COG5: variants seen among roughly 807,000 people sequenced by gnomAD.
COG5 encodes the protein component of oligomeric golgi complex 5.
In COG5, 86 loss-of-function variants were observed where a neutral mutation model predicts 110.4. The ratio of observed to expected loss-of-function variants is 0.78; its 90% CI spans 0.65 to 0.93. The LOEUF (loss-of-function observed/expected upper bound fraction) is 0.93. Ranked by LOEUF, COG5 falls within the 40% of genes least tolerant of loss-of-function variation. COG5 has a pLI of 0.00. For synonymous variants in COG5, 360 were observed against 334.6 expected, an observed-to-expected ratio of 1.08 and a Z score of -0.83; for missense variants, 1,077 against 987.0, an observed-to-expected ratio of 1.09 and a Z score of -1.22.
Position 107,558,345 on chromosome 7 carries a change from C to T in COG5, c.95-230G>A, listed in dbSNP as rs540293143. Reference sequence around the variant, plus strand: ...AGGCACACTGGCTCATGCCTGTAATCCCAGCACTTTGGGAGGCCGAGGTGG... The same window carrying T: ...AGGCACACTGGCTCATGCCTGTAATTCCAGCACTTTGGGAGGCCGAGGTGG... On this transcript the variant is annotated intron_variant, in intron 1 of 21. Transcript: ENST00000297135. Among the ~76,000 whole-genome samples, 148 of 152,172 alleles carry T rather than the reference C, an allele frequency of 9.7e-4. 1 individual carries two copies. The highest frequency in any genetic ancestry group is 1.7e-3 in the Non-Finnish European group (115 of 68,036).
intron 6 of COG5, among the ~76,000 whole-genome samples, chr7:107,514,644 C>A (rs1381390805): frequency 6.6e-6 from 1 of 152,102 alleles, no homozygotes; most frequent in Non-Finnish European, 1.5e-5. Context: ...TACAGATACA[C>A]CAGATGGGTG....
chr7:107,267,410 A>G (rs1803888751), intron 14 of COG5, among the ~76,000 whole-genome samples: 1 of 152,220 alleles, frequency 6.6e-6, no homozygotes, highest in South Asian at 2.1e-4. Flanking sequence ...CTATCTACCC[A>G]TGACCTAAAC....
At chr7:107,411,449 GT>G (rs1405586228) in intron 7 of COG5, among the ~76,000 whole-genome samples, 1 of 151,992 alleles carries the variant, frequency 6.6e-6, no homozygotes, top group African/African-American at 2.4e-5. Flanking sequence ...AATGTTAGAA[GT>G]TAGAATAATA....
At chr7:107,294,460 C>T (rs1806428448) in intron 12 of COG5, among the ~76,000 whole-genome samples, 1 of 152,156 alleles carries the variant, frequency 6.6e-6, no homozygotes, top group Non-Finnish European at 1.5e-5. Flanking sequence ...CTGGCCCCCC[C>T]TAAGTTGTCT....
intron 7 of COG5, among the ~76,000 whole-genome samples, chr7:107,406,306 A>G (rs1327913223): frequency 6.6e-6 from 1 of 152,224 alleles, no homozygotes; most frequent in East Asian, 1.9e-4. Context: ...CTACCCGTGC[A>G]GACACACATT....
chr7:107,372,664 A>G lies in COG5; in HGVS notation c.766T>C (p.Leu256=). Residue 256 remains leucine, a synonymous_variant, in exon 8 of 22, where the codon TTA becomes CTA. Coordinates refer to ENST00000297135, the MANE Select transcript of COG5 (RefSeq NM_006348.5). ...AATGCACTGTTGATATTTTCTTCTA[A>G]AGTAGCACAATATCCATCCACAACA... ...TSVVDGYCAT[L]EENINSALDI... 5 of 1,613,682 alleles carry G rather than the reference A, an allele frequency of 3.1e-6. No individual in the cohort carries two copies. Among genetic ancestry groups the G allele is most frequent in the Non-Finnish European group, 4.2e-6 (5 of 1,179,768 alleles).
chr7:107,254,919 A>T (rs1213448786), intron 16 of COG5, among the ~76,000 whole-genome samples: 1 of 152,190 alleles, frequency 6.6e-6, no homozygotes, highest in Non-Finnish European at 1.5e-5. Context: ...GTAATGTTTT[A>T]AAAAGTAATA....
chr7:107,560,474 T>C (rs1453042623), intron 1 of COG5, among the ~76,000 whole-genome samples: 1 of 152,190 alleles, frequency 6.6e-6, no homozygotes. Context: ...CCCAAATTTC[T>C]GGATTAAGCA....
chr7:107,397,408 A>G (rs1791094151), intron 7 of COG5, among the ~76,000 whole-genome samples: 1 of 152,154 alleles, frequency 6.6e-6, no homozygotes, highest in African/African-American at 2.4e-5. Context: ...CACCACCTAC[A>G]CCCAGTCAAA....
At chr7:107,404,679 A>G (rs1466869200) in intron 7 of COG5, among the ~76,000 whole-genome samples, 1 of 152,048 alleles carries the variant, frequency 6.6e-6, no homozygotes, top group Non-Finnish European at 1.5e-5. Flanking sequence ...GATGAGAAGG[A>G]GACAGTATAA....
intron 6 of COG5, among the ~76,000 whole-genome samples, chr7:107,456,129 G>C (rs967837772): frequency 6.6e-6 from 1 of 152,096 alleles, no homozygotes; most frequent in African/African-American, 2.4e-5. Context: ...TCAAGAATCA[G>C]ATCTGCATGA....
chr7:107,263,381 C>T (rs1417744901), intron 14 of COG5, among the ~76,000 whole-genome samples: 1 of 152,162 alleles, frequency 6.6e-6, no homozygotes, highest in Non-Finnish European at 1.5e-5. Context: ...TGCAAAAATA[C>T]AGCTTTGGCT....
chr7:107,471,979 C>T (rs1359309934), intron 6 of COG5: 2 of 151,934 alleles, frequency 1.3e-5, no homozygotes, highest in Non-Finnish European at 2.9e-5. Context: ...CTATTAAAAA[C>T]AGATTTACAA....
chr7:107,447,825 T>C (rs1255380581), intron 6 of COG5, among the ~76,000 whole-genome samples: 5 of 152,342 alleles, frequency 3.3e-5, no homozygotes, highest in African/African-American at 9.6e-5. Flanking sequence ...ATTCGGATTA[T>C]AAAGTCTTCA....
intron 10 of COG5, among the ~76,000 whole-genome samples, chr7:107,335,262 C>T (rs1342232344): frequency 6.6e-6 from 1 of 152,092 alleles, no homozygotes; most frequent in African/African-American, 2.4e-5. Flanking sequence ...CAGTGGTGTG[C>T]ACCTGTAATC....
intron 11 of COG5, among the ~76,000 whole-genome samples, chr7:107,299,744 T>G (rs891644724): frequency 4.7e-5 from 7 of 149,842 alleles, no homozygotes; most frequent in Middle Eastern, 3.4e-3. Context: ...ATAACCAAAA[T>G]GTCATCAAAT....
chr7:107,404,537 AG>A (rs1335872052), intron 7 of COG5, among the ~76,000 whole-genome samples: 1 of 152,170 alleles, frequency 6.6e-6, no homozygotes, highest in Non-Finnish European at 1.5e-5. Flanking sequence ...AGCATATTCC[AG>A]GCATAAAAAG....
chr7:107,410,419 G>C (rs1216567344), intron 7 of COG5, among the ~76,000 whole-genome samples: 3 of 152,114 alleles, frequency 2.0e-5, no homozygotes, highest in Non-Finnish European at 4.4e-5. Context: ...TTATGCTGTA[G>C]ATGAGTTAAC....
intron 21 of COG5, among the ~76,000 whole-genome samples, chr7:107,206,389 T>C (rs1798789642): frequency 6.6e-6 from 1 of 152,220 alleles, no homozygotes; most frequent in Non-Finnish European, 1.5e-5. Context: ...CAATGTTTTG[T>C]GAGATGCCTT....
Sources: gnomAD v4.1 joint callset for allele counts (sites outside exome capture counted in the v4.1 genomes callset) on GRCh38, gnomAD v4.1.1 for gene constraint, MANE v1.5 for transcripts, NCBI Gene and HGNC (gene_info 2026-07-23, HGNC 2026-07-21) for gene names.